Variants in UBE2W observed in about 807,000 individuals in gnomAD.
UBE2W encodes ubiquitin-conjugating enzyme E2 W.
UBE2W carries 18 observed loss-of-function variants against 27.2 expected under a neutral mutation model. The ratio of observed to expected loss-of-function variants is 0.66; its 90% CI spans 0.46 to 0.98. The LOEUF (loss-of-function observed/expected upper bound fraction) is 0.98. Among genes scored for constraint, UBE2W ranks in the 50% least tolerant of loss-of-function variants. The pLI is 0.00. For synonymous variants in UBE2W, 53 were observed against 57.2 expected (o/e 0.93, Z 0.33); for missense variants, 90 against 180.2 (o/e 0.50, Z 2.87).
At chr8:73,856,645 G>C (rs1473694748) in intron 1 of UBE2W, among the ~76,000 whole-genome samples, 1 of 151,344 alleles carries the variant, frequency 6.6e-6, no homozygotes, top group African/African-American at 2.4e-5. Flanking sequence ...ATGAGCCACT[G>C]TGTCTGGCCA....
At chr8:73,851,243 C>T (rs554470235) in intron 1 of UBE2W, among the ~76,000 whole-genome samples, 1 of 150,996 alleles carries the variant, frequency 6.6e-6, no homozygotes, top group Non-Finnish European at 1.5e-5. Context: ...GGAAAGAAAG[C>T]AACAGGGTGG....
rs753025304 is a variant in UBE2W at position 73,787,891 on chromosome 8, C to T, written c.*6211G>A. On this transcript the variant is annotated 3_prime_UTR_variant, in exon 6 of 6. Coordinates refer to ENST00000602593, the MANE Select transcript of UBE2W (RefSeq NM_018299.6). Reference sequence around the variant, plus strand: ...GAAAACACTCAGTCTTTAGTTGGGACTTATTAAAACACTAAAACTAGCTAC... The same window carrying T: ...GAAAACACTCAGTCTTTAGTTGGGATTTATTAAAACACTAAAACTAGCTAC... The T allele has an allele frequency of 6.7e-5, 66 of 985,218 alleles. No homozygotes were observed. Among genetic ancestry groups the T allele is most frequent in the Non-Finnish European group, 8.0e-5 (66 of 829,916 alleles). The allele number at this position is 985,218 out of a possible 1,614,324, so 61.0% of individuals were successfully genotyped here.
At chr8:73,804,736 T>C (rs1027677469) in intron 5 of UBE2W, among the ~76,000 whole-genome samples, 3 of 151,962 alleles carry the variant, frequency 2.0e-5, no homozygotes, top group South Asian at 2.1e-4. Context: ...TTTTTTTTTT[T>C]CCTTTGGAGA....
chr8:73,849,512 CAAAAAAAAA>C (rs71269951), intron 1 of UBE2W, among the ~76,000 whole-genome samples: 7 of 22,774 alleles, frequency 3.1e-4, no homozygotes, highest in South Asian at 4.6e-3. Context: ...AACTCCATCT[CAAAAAAAAA>C]AAAAAAAAAA....
chr8:73,842,819 TTTTTTGTA>T (rs1810601879), intron 1 of UBE2W, among the ~76,000 whole-genome samples: 1 of 152,176 alleles, frequency 6.6e-6, no homozygotes, highest in African/African-American at 2.4e-5. Context: ...TAGAAGTGTA[TTTTTTGTA>T]TAATTAAAAA....
chr8:73,821,732 T>C (rs762802643), intron 3 of UBE2W, among the ~76,000 whole-genome samples: 5 of 152,090 alleles, frequency 3.3e-5, no homozygotes, highest in African/African-American at 1.2e-4. Flanking sequence ...GCATGGTGGC[T>C]CACACATGTA....
At chr8:73,843,086 T>C (rs1246664068) in intron 1 of UBE2W, among the ~76,000 whole-genome samples, 1 of 152,106 alleles carries the variant, frequency 6.6e-6, no homozygotes, top group Non-Finnish European at 1.5e-5. Context: ...AAAGACCACA[T>C]ATTGTATGAT....
intron 3 of UBE2W, among the ~76,000 whole-genome samples, chr8:73,822,827 A>T (rs1198082183): frequency 6.6e-6 from 1 of 152,078 alleles, no homozygotes; most frequent in Non-Finnish European, 1.5e-5. Flanking sequence ...ACCAGACTAC[A>T]GCACTGACAT....
chr8:73,819,090 GTTCT>G (rs1366853015), intron 3 of UBE2W, among the ~76,000 whole-genome samples: 1 of 152,088 alleles, frequency 6.6e-6, no homozygotes, highest in Non-Finnish European at 1.5e-5. Flanking sequence ...GTCTTCATCT[GTTCT>G]TTCTCTCAAC....
chr8:73,806,143 G>C (rs999175518), intron 4 of UBE2W, among the ~76,000 whole-genome samples: 1 of 151,936 alleles, frequency 6.6e-6, no homozygotes, highest in Non-Finnish European at 1.5e-5. Flanking sequence ...AACAGAGCGA[G>C]ACTCTCGTCT....
rs552271118 is a variant in UBE2W at position 73,794,864 on chromosome 8, A to G, written c.443-749T>C. On this transcript the variant is annotated intron_variant, in intron 5 of 5. Transcript: ENST00000602593. ...GGAGGCTCTGTCTCATAAAAAAAAAAAAAAAGAAAAAAAAAAAAAGAAAAT... is the reference window on the plus strand; with the variant it reads ...GGAGGCTCTGTCTCATAAAAAAAAAGAAAAAGAAAAAAAAAAAAAGAAAAT... 2.8e-4 allele frequency among the ~76,000 whole-genome samples: 41 copies of G among 148,482 alleles called. No homozygotes were observed. The East Asian group carries it at 3.7e-3, about 13-fold the overall frequency.
rs1808064002 is a variant in UBE2W at position 73,788,659 on chromosome 8, C to T, written c.*5443G>A. 37 of 985,404 alleles carry T rather than the reference C, an allele frequency of 3.8e-5. No homozygotes were observed. The highest frequency in any genetic ancestry group is 4.5e-5 in the Non-Finnish European group (37 of 829,928). 61.0% of individuals were successfully genotyped at this position (985,404 alleles called of 1,614,324 possible). A position where few individuals can be genotyped will look rare whatever the true frequency, so the allele number is the denominator to read the frequency against. ...GGCAGGATTATTAAATCTTTCCATACACCAGAAAATCTGACAAGTGATGTC... is the reference window on the plus strand; with the variant it reads ...GGCAGGATTATTAAATCTTTCCATATACCAGAAAATCTGACAAGTGATGTC... On this transcript the variant is annotated 3_prime_UTR_variant, in exon 6 of 6. Transcript: ENST00000602593.
At chr8:73,812,959 C>T (rs1206143625) in intron 3 of UBE2W, among the ~76,000 whole-genome samples, 3 of 149,782 alleles carry the variant, frequency 2.0e-5, no homozygotes, top group Non-Finnish European at 4.4e-5. Flanking sequence ...GAGCTGAGAT[C>T]GCACCACCGC....
At chr8:73,785,629 T>C (rs1300095368), downstream of UBE2W, among the ~76,000 whole-genome samples, 1 of 152,044 alleles carries the variant, frequency 6.6e-6, no homozygotes, top group African/African-American at 2.4e-5. Context: ...AATCTCGCTC[T>C]GTCCCAGGCT....
chr8:73,792,937 A>G lies in UBE2W; in HGVS notation c.*1165T>C. 1.0e-6 allele frequency: 1 copy of G among 985,746 alleles called. No homozygotes were observed. Among genetic ancestry groups the G allele is most frequent in the Non-Finnish European group, 1.2e-6 (1 of 829,838 alleles). The allele number at this position is 985,746 out of a possible 1,614,324, so 61.1% of individuals were successfully genotyped here. On this transcript the variant is annotated 3_prime_UTR_variant, in exon 6 of 6. Coordinates refer to ENST00000602593, the MANE Select transcript of UBE2W (RefSeq NM_018299.6). ...TGACTTTTGCCTAAATTTTAAAATAAAAATGTCCACACTCTTTTGTTAAAA... is the reference window on the plus strand; with the variant it reads ...TGACTTTTGCCTAAATTTTAAAATAGAAATGTCCACACTCTTTTGTTAAAA...
chr8:73,795,243 G>A (rs1808365185), intron 5 of UBE2W, among the ~76,000 whole-genome samples: 1 of 152,190 alleles, frequency 6.6e-6, no homozygotes, highest in South Asian at 2.1e-4. Flanking sequence ...ATGTTGGAGA[G>A]GGGCCTAATG....
intron 1 of UBE2W, among the ~76,000 whole-genome samples, chr8:73,866,290 A>AAAAAAAT (rs1248216873): frequency 2.3e-5 from 1 of 43,090 alleles, no homozygotes; most frequent in Non-Finnish European, 4.2e-5. Flanking sequence ...AAAAAAAAAA[A>AAAAAAAT]ATATATATAT....
chr8:73,835,459 G>C (rs76711742), intron 1 of UBE2W, among the ~76,000 whole-genome samples: 1,565 of 152,228 alleles, frequency 0.01, 25 homozygotes, highest in African/African-American at 0.036. Context: ...TATGGTTTCT[G>C]TGGCCGGGTG....
chr8:73,792,570 C>A lies in UBE2W; in HGVS notation c.*1532G>T. On this transcript the variant is annotated 3_prime_UTR_variant, in exon 6 of 6. Transcript: ENST00000602593. The stretch of plus-strand genomic sequence containing the variant: ...GGGTACGTATTTCAAACCTTTCAGC[C>A]AACTGGCTTTCAGTTTTAAGCCCAA... The A allele has an allele frequency of 1.0e-6, 1 of 985,662 alleles. No homozygotes were observed. Among genetic ancestry groups the A allele is most frequent in the Non-Finnish European group, 1.2e-6 (1 of 829,824 alleles). The allele number at this position is 985,662 out of a possible 1,614,324, so 61.1% of individuals were successfully genotyped here. A position where few individuals can be genotyped will look rare whatever the true frequency, so the allele number is the denominator to read the frequency against.
Sources: gnomAD v4.1 joint callset for allele counts (sites outside exome capture counted in the v4.1 genomes callset) on GRCh38, gnomAD v4.1.1 for gene constraint, MANE v1.5 for transcripts, NCBI Gene and HGNC (gene_info 2026-07-23, HGNC 2026-07-21) for gene names.